STPG2: variants seen among roughly 807,000 people sequenced by gnomAD.
STPG2 encodes sperm tail PG-rich repeat containing 2, also known as sperm-tail PG-rich repeat-containing protein 2.
A neutral mutation model predicts 54.2 loss-of-function variants in STPG2; 56 were observed. The ratio of observed to expected loss-of-function variants is 1.03; its 90% confidence interval spans 0.83 to 1.29. The LOEUF is 1.29. Among genes scored for constraint, STPG2 ranks in the 50% most tolerant of loss-of-function variants. The pLI is 0.00. For synonymous variants in STPG2, 200 were observed against 181.8 expected, an observed-to-expected ratio of 1.10 and a Z score of -0.81; for missense variants, 596 against 544.9, an observed-to-expected ratio of 1.09 and a Z score of -0.93.
chr4:98,066,753 A>T (rs1737849704), intron 5 of STPG2, among the ~76,000 whole-genome samples: 1 of 152,182 alleles, frequency 6.6e-6, no homozygotes, highest in African/African-American at 2.4e-5. Flanking sequence ...TGAGTCAAAA[A>T]GATGTAATAT....
At chr4:97,587,117 T>C (rs1733021081) in intron 10 of STPG2, among the ~76,000 whole-genome samples, 1 of 151,988 alleles carries the variant, frequency 6.6e-6, no homozygotes, top group Non-Finnish European at 1.5e-5. Context: ...AATATGTCCA[T>C]TGTATTTTTC....
intron 10 of STPG2, among the ~76,000 whole-genome samples, chr4:97,701,678 A>G (rs1035816650): frequency 6.6e-5 from 10 of 152,266 alleles, no homozygotes; most frequent in Middle Eastern, 3.4e-3. Context: ...TTCAACCTAG[A>G]AGGTTTCTGC....
chr4:97,904,420 A>T (rs925094964), intron 8 of STPG2, among the ~76,000 whole-genome samples: 17 of 152,212 alleles, frequency 1.1e-4, no homozygotes, highest in African/African-American at 4.1e-4. Context: ...AAACTAACAA[A>T]CAGAAAGGAT....
chr4:97,671,993 ACTAT>A (rs1222631411), intron 10 of STPG2, among the ~76,000 whole-genome samples: 2 of 152,010 alleles, frequency 1.3e-5, no homozygotes. Flanking sequence ...TATTGTCATT[ACTAT>A]TATTTCTGTT....
At chr4:97,909,267 T>C (rs1731585013) in intron 8 of STPG2, among the ~76,000 whole-genome samples, 2 of 151,886 alleles carry the variant, frequency 1.3e-5, no homozygotes, top group South Asian at 2.1e-4. Flanking sequence ...TTAAATAAAA[T>C]GAAAAGAAAT....
intron 5 of STPG2, among the ~76,000 whole-genome samples, chr4:98,071,197 T>A (rs1265983860): frequency 1.3e-5 from 2 of 152,102 alleles, no homozygotes; most frequent in African/African-American, 4.8e-5. Flanking sequence ...CAAAACAGCA[T>A]GGTACTGGTA....
chr4:97,465,712 A>G (rs1729771534), intron 4 of STPG2, among the ~76,000 whole-genome samples: 1 of 152,100 alleles, frequency 6.6e-6, no homozygotes, highest in Admixed American at 6.6e-5. Flanking sequence ...TCTCTAGATT[A>G]CTTATAATAC....
intron 7 of STPG2, among the ~76,000 whole-genome samples, chr4:97,972,027 G>A (rs76955786): frequency 0.031 from 4,777 of 151,922 alleles, 173 homozygotes; most frequent in African/African-American, 0.085. Flanking sequence ...ACCTTCCCAT[G>A]AACAAATCCC....
chr4:97,478,875 G>A (rs1397718725), intron 4 of STPG2, among the ~76,000 whole-genome samples: 20 of 10,286 alleles, frequency 1.9e-3, no homozygotes, highest in Non-Finnish European at 3.3e-3. Context: ...AGCCAAATAT[G>A]TGTGTGTGTG....
chr4:98,138,379 G>A (rs1740192422), intron 1 of STPG2, among the ~76,000 whole-genome samples: 2 of 152,020 alleles, frequency 1.3e-5, no homozygotes, highest in Non-Finnish European at 2.9e-5. Flanking sequence ...GGAGATTTGA[G>A]AAGAAAGAAA....
intron 4 of STPG2, among the ~76,000 whole-genome samples, chr4:97,448,713 A>G (rs2148796195): frequency 6.6e-6 from 1 of 152,250 alleles, no homozygotes; most frequent in East Asian, 1.9e-4. Flanking sequence ...TCTTTATATC[A>G]GTGTGAGAAC....
rs184625194 is a variant in STPG2 at position 97,563,273 on chromosome 4, G to A, written c.1321-4156C>T. ...CCCTGATGGTAGTTTGTATTTCTGTGGGATCAGTGGTGATATCCCCTTTGT... is the reference window on the plus strand; with the variant it reads ...CCCTGATGGTAGTTTGTATTTCTGTAGGATCAGTGGTGATATCCCCTTTGT... On this transcript the variant is annotated intron_variant, in intron 10 of 10. Coordinates refer to ENST00000295268, the MANE Select transcript of STPG2 (RefSeq NM_174952.3). Among the ~76,000 whole-genome samples, 1,256 of 152,196 alleles carry A rather than the reference G, an allele frequency of 8.3e-3. 7 individuals are homozygous for A. The highest frequency in any genetic ancestry group is 0.02 in the Middle Eastern group (6 of 294).
intron 4 of STPG2, among the ~76,000 whole-genome samples, chr4:97,492,738 G>A (rs550315847): frequency 6.6e-6 from 1 of 150,982 alleles, no homozygotes; most frequent in South Asian, 2.1e-4. Context: ...TTCTTGCAAG[G>A]TATAGGATAC....
chr4:97,862,046 T>C (rs540020190), intron 8 of STPG2, among the ~76,000 whole-genome samples: 53 of 152,050 alleles, frequency 3.5e-4, no homozygotes, highest in Non-Finnish European at 7.4e-4. Context: ...AACATCATAA[T>C]GACAGAATCA....
chr4:97,521,583 G>A (rs1015705483), intron 4 of STPG2, among the ~76,000 whole-genome samples: 1 of 152,014 alleles, frequency 6.6e-6, no homozygotes. Context: ...CAATGATAAT[G>A]AAGACCCATT....
At chr4:97,920,232 C>T (rs1228836873) in intron 8 of STPG2, among the ~76,000 whole-genome samples, 1 of 152,134 alleles carries the variant, frequency 6.6e-6, no homozygotes, top group African/African-American at 2.4e-5. Context: ...AGTCCAGCAA[C>T]CAAGGAATAG....
intron 5 of STPG2, among the ~76,000 whole-genome samples, chr4:98,015,977 T>C (rs906072276): frequency 6.6e-6 from 1 of 152,142 alleles, no homozygotes; most frequent in African/African-American, 2.4e-5. Context: ...AAACATCGCA[T>C]GTTTTCACTC....
chr4:98,009,992 T>C lies in STPG2; in HGVS notation c.613-28674A>G, dbSNP rs556155927. ...TGATTATATTTATTTGAGTCTCCTA[T>C]CATTTTTTCTTAGTTAGTCTGGCTA... On this transcript the variant is annotated intron_variant, in intron 5 of 10. Transcript: ENST00000295268. Among the ~76,000 whole-genome samples the C allele has an allele frequency of 1.7e-3, 265 of 152,158 alleles. 2 individuals carry two copies. Among genetic ancestry groups the C allele is most frequent in the African/African-American group, 5.9e-3 (247 of 41,544 alleles).
chr4:97,715,515 A>G (rs1358476745), intron 9 of STPG2, among the ~76,000 whole-genome samples: 1 of 152,104 alleles, frequency 6.6e-6, no homozygotes, highest in East Asian at 1.9e-4. Flanking sequence ...ATAAAAACCT[A>G]TGTTTCTGTC....
Sources: allele counts gnomAD v4.1 joint callset (sites outside exome capture counted in the v4.1 genomes callset), GRCh38; gene constraint gnomAD v4.1.1; transcripts MANE v1.5; gene names NCBI Gene and HGNC (gene_info 2026-07-23, HGNC 2026-07-21).